Variants in DNAJB6 observed in about 807,000 individuals in gnomAD.
DNAJB6 encodes dnaJ homolog subfamily B member 6.
In DNAJB6, 16 loss-of-function variants were observed where a neutral mutation model predicts 42.7. The observed-to-expected ratio is 0.37, with a 90% confidence interval of 0.25 to 0.57. The LOEUF (loss-of-function observed/expected upper bound fraction) is 0.57. Ranked by LOEUF, DNAJB6 falls within the 20% of genes least tolerant of loss-of-function variation. The probability of loss-of-function intolerance (pLI) is 0.74; values close to 1 mark genes in which losing one functional copy is unlikely to be tolerated. For synonymous variants in DNAJB6, 170 were observed against 163.5 expected, an observed-to-expected ratio of 1.04 and a Z score of -0.30; for missense variants, 347 against 416.8, an observed-to-expected ratio of 0.83 and a Z score of 1.46.
intron 1 of DNAJB6, among the ~76,000 whole-genome samples, chr7:157,339,601 TTGTGTGTGTG>T (rs59577692): frequency 0.01 from 1,231 of 122,412 alleles, 26 homozygotes; most frequent in African/African-American, 0.033. Flanking sequence ...GCCCGGCCTT[TTGTGTGTGTG>T]TGTGTGTGTG....
chr7:157,401,898 T>C (rs1177450309), intron 8 of DNAJB6, among the ~76,000 whole-genome samples: 1 of 152,168 alleles, frequency 6.6e-6, no homozygotes, highest in African/African-American at 2.4e-5. Context: ...GCCTTCTCTC[T>C]GTTGCAGAGG....
chr7:157,400,443 CT>C (rs1269521098), intron 8 of DNAJB6, among the ~76,000 whole-genome samples: 1 of 146,872 alleles, frequency 6.8e-6, no homozygotes, highest in Non-Finnish European at 1.5e-5. Context: ...CCGAGCTCTT[CT>C]CCTTGGTGTG....
In DNAJB6 at chr7:157,337,052, G is replaced by GCCA. The variant is rs1383629077; in HGVS notation, c.-112_-110dup. ...AGAAAGGAAAGCGCGAGGAGCCGCC[G>GCCA]CCACCACCAGCGCAGCAGTCCTGGA... On this transcript the variant is annotated 5_prime_UTR_variant, in exon 1 of 10. Transcript: ENST00000262177. 20 of 152,468 alleles carry GCCA rather than the reference G, an allele frequency of 1.3e-4. No individual in the cohort carries two copies. The highest frequency in any genetic ancestry group is 4.6e-4 in the African/African-American group (19 of 41,564). 9.4% of individuals were successfully genotyped at this position (152,468 alleles called of 1,614,324 possible).
intron 8 of DNAJB6, among the ~76,000 whole-genome samples, chr7:157,391,632 G>C (rs752585527): frequency 6.6e-6 from 1 of 152,100 alleles, no homozygotes; most frequent in Non-Finnish European, 1.5e-5. Context: ...CGGATGCCTG[G>C]TGGCAGCACC....
chr7:157,378,405 G>A (rs1800579328), intron 5 of DNAJB6: 1 of 152,234 alleles, frequency 6.6e-6, no homozygotes, highest in Admixed American at 6.5e-5. Context: ...GGAGGAGGAG[G>A]TCTTGCCCCT....
rs939355986 is a variant in DNAJB6, at chr7:157,349,471, C to T, written c.-26-9076C>T. ...CCCCAGGTTAGAAAAGACCAGGGGA[C>T]TTAGCAGAGTTTTATTACTTTTTTT... is the stretch of plus-strand genomic sequence containing the variant. On this transcript the variant is annotated intron_variant, in intron 1 of 9. Transcript: ENST00000262177. 3.4e-5 allele frequency among the ~76,000 whole-genome samples: 5 copies of T among 146,900 alleles called. No homozygotes were observed. In the Admixed American group the frequency reaches 3.6e-4, roughly 10 times the overall value.
At chr7:157,360,257 A>G (rs1316551937) in intron 2 of DNAJB6, among the ~76,000 whole-genome samples, 1 of 152,192 alleles carries the variant, frequency 6.6e-6, no homozygotes, top group Non-Finnish European at 1.5e-5. Flanking sequence ...GGAAGAAGCA[A>G]AAGCGGAAAC....
intron 5 of DNAJB6, chr7:157,372,103 C>T (rs1160840930): frequency 6.6e-6 from 1 of 152,606 alleles, no homozygotes; most frequent in Admixed American, 6.5e-5. Context: ...ACTTTCTGAC[C>T]TGTGATTAAA....
chr7:157,348,779 T>A (rs1396470134), intron 1 of DNAJB6, among the ~76,000 whole-genome samples: 2 of 152,098 alleles, frequency 1.3e-5, no homozygotes, highest in Admixed American at 1.3e-4. Flanking sequence ...TTGTCCTGAC[T>A]CCCTCCCCTC....
At chr7:157,369,501 CT>C (rs1310145316) in intron 5 of DNAJB6, 25 of 436,930 alleles carry the variant, frequency 5.7e-5, no homozygotes, top group Non-Finnish European at 1.2e-4. Context: ...CTCGTGATGT[CT>C]GAGACCGGGC....
chr7:157,401,893 C>T (rs1008522056), intron 8 of DNAJB6, among the ~76,000 whole-genome samples: 1 of 152,218 alleles, frequency 6.6e-6, no homozygotes, highest in African/African-American at 2.4e-5. Context: ...CGCCTGCCTT[C>T]TCTCTGTTGC....
chr7:157,366,454 A>G, intron 3 of DNAJB6, 48 bp from the exon 4 acceptor site: 1 of 1,528,606 alleles, frequency 6.5e-7, no homozygotes, highest in Non-Finnish European at 9.1e-7. Flanking sequence ...TATTGAATTA[A>G]GGGTTTAAAA....
intron 9 of DNAJB6, chr7:157,411,489 T>C (rs1307047698): frequency 2.6e-5 from 4 of 152,132 alleles, no homozygotes; most frequent in African/African-American, 9.7e-5. Context: ...CAGGGTCTGT[T>C]GTGCGCTCCT....
chr7:157,366,517 T>C lies in DNAJB6; in HGVS notation c.191T>C (p.Ile64Thr), dbSNP rs756587383. The C allele has an allele frequency of 2.5e-6, 4 of 1,614,038 alleles. No individual in the cohort carries two copies. The South Asian group carries it at 4.4e-5, about 18-fold the overall frequency. The change falls in exon 4 of 10, where the codon ATC (isoleucine) becomes ACC (threonine). Residue 64 changes from isoleucine to threonine, a missense_variant. Transcript: ENST00000262177. ...EVLSDAKKRD[I>T]YDKYGKEGLN... ...CAATTTTTAGCTAAGAAACGGGACATCTATGACAAATATGGCAAAGAAGGA... is the reference window on the plus strand; with the variant it reads ...CAATTTTTAGCTAAGAAACGGGACACCTATGACAAATATGGCAAAGAAGGA...
At chr7:157,349,043 AT>A (rs749475501) in intron 1 of DNAJB6, among the ~76,000 whole-genome samples, 15 of 151,394 alleles carry the variant, frequency 9.9e-5, no homozygotes, top group Non-Finnish European at 5.9e-5. Context: ...GTCTTTTTAA[AT>A]TTTTTTTTAT....
At chr7:157,369,179 C>G in intron 5 of DNAJB6, 1 of 425,478 alleles carries the variant, frequency 2.4e-6, no homozygotes, top group Non-Finnish European at 4.7e-6. Context: ...TTGCTGTAAT[C>G]ACTGCTGCCA....
At chr7:157,387,155 C>T (rs1331411481) in intron 8 of DNAJB6, among the ~76,000 whole-genome samples, 2 of 152,158 alleles carry the variant, frequency 1.3e-5, no homozygotes, top group African/African-American at 4.8e-5. Context: ...CCTTAAGCAA[C>T]CTCACGTGCT....
At position 157,416,315 on chromosome 7, in the gene DNAJB6, ACT is replaced by A. The variant is rs1554471261; in HGVS notation, c.*222_*223del. 1.0e-5 allele frequency: 6 copies of A among 594,194 alleles called. No individual in the cohort carries two copies. The highest frequency in any genetic ancestry group is 9.2e-4 in the Middle Eastern group (2 of 2,172). 36.8% of individuals were successfully genotyped at this position (594,194 alleles called of 1,614,324 possible). A position where few individuals can be genotyped will look rare whatever the true frequency, so the allele number is the denominator to read the frequency against. On this transcript the variant is annotated 3_prime_UTR_variant, in exon 10 of 10. Coordinates refer to ENST00000262177, the MANE Select transcript of DNAJB6 (RefSeq NM_058246.4). ...GACAGACGTTTGGGACTTGGCCGCG[ACT>A]CTCTGCTTCTCTCCAGCTCTCAATC... is the stretch of plus-strand genomic sequence containing the variant.
chr7:157,405,824 G>A (rs1158657581), intron 8 of DNAJB6, among the ~76,000 whole-genome samples: 1 of 152,240 alleles, frequency 6.6e-6, no homozygotes, highest in Non-Finnish European at 1.5e-5. Context: ...CGGTTCTCCT[G>A]CAGCCGGTCT....
Sources: gnomAD v4.1 joint callset for allele counts (sites outside exome capture counted in the v4.1 genomes callset) on GRCh38, gnomAD v4.1.1 for gene constraint, MANE v1.5 for transcripts, NCBI Gene and HGNC (gene_info 2026-07-23, HGNC 2026-07-21) for gene names.